PLSCR2: variants seen among roughly 807,000 people sequenced by gnomAD.
The protein encoded by PLSCR2 is phospholipid scramblase 2.
In PLSCR2, 18 loss-of-function variants were observed where a neutral mutation model predicts 25.3. The ratio of observed to expected loss-of-function variants is 0.71; its 90% CI spans 0.49 to 1.06. The LOEUF (loss-of-function observed/expected upper bound fraction) is 1.06, where lower values mean the gene tolerates loss of function less well. PLSCR2 is among the 50% of genes least tolerant of loss of function. PLSCR2 has a pLI of 0.00. For missense variants in PLSCR2, 243 were observed against 269.5 expected, an observed-to-expected ratio of 0.90 and a Z score of 0.69; for synonymous variants, 88 against 87.3, an observed-to-expected ratio of 1.01 and a Z score of -0.04.
At chr3:146,417,690 G>A (rs1393106387) in intron 2 of PLSCR2, among the ~76,000 whole-genome samples, 1 of 152,160 alleles carries the variant, frequency 6.6e-6, no homozygotes, top group Non-Finnish European at 1.5e-5. Context: ...GCTGACTTTA[G>A]TTAGCAACAT....
chr3:146,439,584 A>G (rs1254060652), downstream of PLSCR2, among the ~76,000 whole-genome samples: 1 of 151,936 alleles, frequency 6.6e-6, no homozygotes, highest in Non-Finnish European at 1.5e-5. Flanking sequence ...GTGTGCATGC[A>G]TCACGTAGTT....
intron 1 of PLSCR2, among the ~76,000 whole-genome samples, chr3:146,483,272 G>A (rs546865821): frequency 1.5e-3 from 205 of 133,090 alleles, no homozygotes; most frequent in Middle Eastern, 0.011. Flanking sequence ...AACAATGAAC[G>A]TGGTGAACGG....
At chr3:146,392,445 T>C (rs1334486633) in intron 3 of PLSCR2, among the ~76,000 whole-genome samples, 1 of 152,076 alleles carries the variant, frequency 6.6e-6, no homozygotes, top group Non-Finnish European at 1.5e-5. Context: ...GGAGACGCTT[T>C]CTTAAGTTTA....
At chr3:146,400,890 C>T (rs1046245930) in intron 2 of PLSCR2, among the ~76,000 whole-genome samples, 6 of 151,508 alleles carry the variant, frequency 4.0e-5, no homozygotes, top group African/African-American at 1.2e-4. Flanking sequence ...AGAAATGTTG[C>T]CAAATCAATC....
chr3:146,469,346 C>T, intron 1 of PLSCR2, 149 bp downstream of exon 1: 2 of 978,028 alleles, frequency 2.0e-6, no homozygotes, highest in Non-Finnish European at 2.4e-6. Context: ...TGCCGAGTTT[C>T]CGTTCCACTT....
At chr3:146,436,755 A>C (rs989884417) in intron 8 of PLSCR2, among the ~76,000 whole-genome samples, 2 of 152,114 alleles carry the variant, frequency 1.3e-5, no homozygotes, top group African/African-American at 4.8e-5. Context: ...TCCTAATGGA[A>C]TACTCTTTAT....
chr3:146,409,257 G>T (rs1335527187), intron 2 of PLSCR2, among the ~76,000 whole-genome samples: 1 of 152,118 alleles, frequency 6.6e-6, no homozygotes, highest in Non-Finnish European at 1.5e-5. Context: ...AGAGGCAATG[G>T]GTGGCGAGCC....
At chr3:146,425,674 T>C (rs2039318804) in intron 2 of PLSCR2, among the ~76,000 whole-genome samples, 1 of 152,160 alleles carries the variant, frequency 6.6e-6, no homozygotes. Flanking sequence ...ATGATGTTAA[T>C]GACTCTGCTA....
intron 1 of PLSCR2, among the ~76,000 whole-genome samples, chr3:146,471,264 TC>T (rs1195972476): frequency 6.6e-6 from 1 of 152,192 alleles, no homozygotes; most frequent in Non-Finnish European, 1.5e-5. Flanking sequence ...AACATTTTAT[TC>T]TTTTACCAAT....
At chr3:146,465,413 TA>T (rs1423530596), upstream of PLSCR2, among the ~76,000 whole-genome samples, 1 of 152,074 alleles carries the variant, frequency 6.6e-6, no homozygotes, top group Non-Finnish European at 1.5e-5. Flanking sequence ...CAAACATAAC[TA>T]AAGTAAAACC....
chr3:146,436,122 A>G (rs1445042419), intron 8 of PLSCR2, among the ~76,000 whole-genome samples: 2 of 151,984 alleles, frequency 1.3e-5, no homozygotes, highest in East Asian at 3.9e-4. Context: ...GTTCTGTTCC[A>G]TTGGTCTATA....
intron 2 of PLSCR2, among the ~76,000 whole-genome samples, chr3:146,411,491 G>GT (rs1356336672): frequency 6.6e-6 from 1 of 152,172 alleles, no homozygotes; most frequent in Non-Finnish European, 1.5e-5. Context: ...CACTCTTCGG[G>GT]GACCTGAAAA....
chr3:146,400,781 C>G (rs4476473), intron 2 of PLSCR2, among the ~76,000 whole-genome samples: 1 of 151,458 alleles, frequency 6.6e-6, no homozygotes, highest in African/African-American at 2.4e-5. Flanking sequence ...ATCCTAGCTC[C>G]GTGTGTGTAT....
chr3:146,454,096 G>A (rs141636818), exon 5 of PLSCR2: 7 of 1,609,902 alleles, frequency 4.3e-6, no homozygotes, highest in Non-Finnish European at 5.1e-6. Flanking sequence ...TGTAAACTTT[G>A]TTAGACATGG....
chr3:146,393,137 T>C (rs1576546110), intron 3 of PLSCR2, among the ~76,000 whole-genome samples: 1 of 150,238 alleles, frequency 6.7e-6, no homozygotes, highest in East Asian at 2.0e-4. Context: ...CACGCCATTC[T>C]CCTGCCTCAG....
intron 8 of PLSCR2, among the ~76,000 whole-genome samples, chr3:146,435,837 A>G (rs541925635): frequency 6.6e-6 from 1 of 152,282 alleles, no homozygotes; most frequent in South Asian, 2.1e-4. Flanking sequence ...TTAGTCATGA[A>G]GTACTTGCCC....
chr3:146,450,091 G>A (rs972449704), intron 5 of PLSCR2, among the ~76,000 whole-genome samples: 1 of 152,174 alleles, frequency 6.6e-6, no homozygotes, highest in South Asian at 2.1e-4. Context: ...TCATTATATA[G>A]CATTGAAAAG....
chr3:146,463,965 T>C, upstream of PLSCR2: 2 of 984,436 alleles, frequency 2.0e-6, no homozygotes, highest in Non-Finnish European at 1.2e-6. Flanking sequence ...TCAGCAAAGG[T>C]TGAATAATTC....
chr3:146,448,051 C>G (rs1272743393), intron 6 of PLSCR2, among the ~76,000 whole-genome samples: 1 of 152,156 alleles, frequency 6.6e-6, no homozygotes, highest in Non-Finnish European at 1.5e-5. Context: ...AAAGCCACTG[C>G]CGGGTATGGG....
Sources: gnomAD v4.1 joint callset for allele counts (sites outside exome capture counted in the v4.1 genomes callset) on GRCh38, gnomAD v4.1.1 for gene constraint, MANE v1.5 for transcripts, NCBI Gene and HGNC (gene_info 2026-07-23, HGNC 2026-07-21) for gene names.